DMD: variants seen among roughly 807,000 people sequenced by gnomAD.
DMD encodes dystrophin.
A neutral mutation model predicts 330.1 loss-of-function variants in DMD; 63 were observed. The observed-to-expected ratio is 0.19, with a 90% confidence interval of 0.16 to 0.24. The LOEUF is 0.24. Ranked by LOEUF, DMD falls within the 10% of genes least tolerant of loss-of-function variation. DMD has a pLI of 1.00. For synonymous variants in DMD, 1,223 were observed against 959.8 expected (o/e 1.27, Z -5.07); for missense variants, 3,344 against 2,684.1 (o/e 1.25, Z -5.43).
intron 7 of DMD, among the ~76,000 whole-genome samples, chrX:32,808,638 T>A (rs1460732086): frequency 8.9e-6 from 1 of 111,828 alleles, no homozygotes; most frequent in Admixed American, 9.6e-5. Context: ...TGTTTTGGAA[T>A]TGATGAAATC....
At chrX:32,142,516 C>T (rs2096758557) in intron 44 of DMD, among the ~76,000 whole-genome samples, 1 of 112,449 alleles carries the variant, frequency 8.9e-6, no homozygotes, top group African/African-American at 3.2e-5. Context: ...CACTGAATAT[C>T]ATCCCTTCTT....
chrX:32,549,283 TTAAAG>T (rs2049284269), intron 16 of DMD, among the ~76,000 whole-genome samples: 1 of 111,328 alleles, frequency 9.0e-6, no homozygotes, highest in South Asian at 3.7e-4. Context: ...TTCTTCATCT[TTAAAG>T]TAAGAGTAAC....
chrX:31,205,936 A>G (rs146077960), intron 66 of DMD, among the ~76,000 whole-genome samples: 7,749 of 112,500 alleles, frequency 0.069, 622 homozygotes, highest in African/African-American at 0.23. Context: ...GCCTTTCACA[A>G]TATGAATGGA....
chrX:31,875,217 G>T lies in DMD; in HGVS notation c.7069C>A (p.Pro2357Thr), dbSNP rs2149679820. 1 of 1,200,656 alleles carries T rather than the reference G, an allele frequency of 8.3e-7. No homozygotes were observed. The change falls in exon 48 of 79, where the codon CCA (proline) becomes ACA (threonine). Residue 2357 changes from proline to threonine, a missense_variant. Physicochemically the swap from Pro to Thr is conservative, Grantham distance 38. Transcript: ENST00000357033. Reference protein sequence around the residue: ...IRNQLEIYNQPNQEGPFDVKE... With the variant: ...IRNQLEIYNQTNQEGPFDVKE... ...ACGTCAAATGGTCCTTCTTGGTTTG[G>T]TTGGTTATAAATTTCCAACTGATTC...
intron 2 of DMD, among the ~76,000 whole-genome samples, chrX:32,930,464 G>A (rs1159097184): frequency 9.0e-6 from 1 of 110,643 alleles, no homozygotes; most frequent in Non-Finnish European, 1.9e-5. Context: ...ATTAAAAGAA[G>A]CTTTTGTTAT....
intron 7 of DMD, among the ~76,000 whole-genome samples, chrX:32,808,818 A>G (rs961495826): frequency 8.9e-6 from 1 of 112,185 alleles, no homozygotes; most frequent in African/African-American, 3.2e-5. Context: ...TGGCATGGCA[A>G]AAAGTGTACT....
intron 1 of DMD, among the ~76,000 whole-genome samples, chrX:33,299,244 T>C (rs1160344624): frequency 1.8e-5 from 2 of 110,656 alleles, no homozygotes; most frequent in Admixed American, 1.9e-4. Context: ...ATAATCAGAG[T>C]TAGAGAGATA....
At position 32,175,308 on chromosome X, in the gene DMD, G is replaced by A. The variant is rs1179694502; in HGVS notation, c.6438+41608C>T. 1.4e-4 allele frequency among the ~76,000 whole-genome samples: 15 copies of A among 110,064 alleles called. No individual in the cohort carries two copies. In the Admixed American group the frequency reaches 1.4e-3, roughly 10 times the overall value. On this transcript the variant is annotated intron_variant, in intron 44 of 78. Coordinates refer to ENST00000357033, the MANE Select transcript of DMD (RefSeq NM_004006.3). ...TGTAAAACGCACCAATCAGCGCTCT[G>A]TAAAATGCACCAATCAGTAGGATTC...
chrX:31,694,811 A>G (rs1314848492), intron 52 of DMD, among the ~76,000 whole-genome samples: 1 of 108,761 alleles, frequency 9.2e-6, no homozygotes, highest in Non-Finnish European at 1.9e-5. Context: ...AACCTTATCC[A>G]CTATTGGTAG....
At chrX:32,367,211 G>A (rs2097857558) in intron 34 of DMD, among the ~76,000 whole-genome samples, 1 of 111,513 alleles carries the variant, frequency 9.0e-6, no homozygotes, top group South Asian at 3.7e-4. Flanking sequence ...TCAACCTTTT[G>A]TAGTATACAA....
At chrX:32,634,621 A>T (rs1380234310) in intron 11 of DMD, among the ~76,000 whole-genome samples, 1 of 111,942 alleles carries the variant, frequency 8.9e-6, no homozygotes, top group Non-Finnish European at 1.9e-5. Context: ...GGGTGTGTTC[A>T]GAAATGTTAT....
intron 3 of DMD, among the ~76,000 whole-genome samples, chrX:32,848,197 C>T (rs2035146785): frequency 9.0e-6 from 1 of 111,666 alleles, no homozygotes; most frequent in Admixed American, 9.5e-5. Context: ...ATGAGTAAGC[C>T]ATAATCTTTG....
intron 51 of DMD, among the ~76,000 whole-genome samples, chrX:31,752,982 G>A (rs1328828098): frequency 8.9e-6 from 1 of 112,259 alleles, no homozygotes; most frequent in East Asian, 2.8e-4. Flanking sequence ...AGGAGGTGGT[G>A]CAGAGGGAGA....
chrX:33,200,925 C>T (rs867157853), intron 1 of DMD, among the ~76,000 whole-genome samples: 31 of 52,790 alleles, frequency 5.9e-4, no homozygotes, highest in South Asian at 2.0e-3. Flanking sequence ...AATCAATAGA[C>T]TTTTTTTTTT....
intron 55 of DMD, among the ~76,000 whole-genome samples, chrX:31,522,367 A>C (rs377409194): frequency 0.059 from 3,471 of 58,698 alleles, 120 homozygotes; most frequent in Middle Eastern, 0.074. Context: ...CTCTCTCTAT[A>C]TATATATATA....
At chrX:31,454,499 T>G (rs2066012124) in intron 59 of DMD, among the ~76,000 whole-genome samples, 1 of 111,917 alleles carries the variant, frequency 8.9e-6, no homozygotes, top group Non-Finnish European at 1.9e-5. Flanking sequence ...GCCACATGTG[T>G]TAACCACCAT....
chrX:32,190,550 TTATATA>T (rs753482446), intron 44 of DMD, among the ~76,000 whole-genome samples: 633 of 62,503 alleles, frequency 0.01, 2 homozygotes, highest in Middle Eastern at 0.039. Flanking sequence ...ATTTAAAATT[TTATATA>T]TATATATATA....
At chrX:31,221,463 TAG>T (rs941201574) in intron 64 of DMD, among the ~76,000 whole-genome samples, 1 of 112,329 alleles carries the variant, frequency 8.9e-6, no homozygotes, top group Non-Finnish European at 1.9e-5. Flanking sequence ...ACGCTCTTCC[TAG>T]AGAGAGAGCT....
At chrX:32,709,682 T>G (rs1460011268) in intron 7 of DMD, among the ~76,000 whole-genome samples, 2 of 111,768 alleles carry the variant, frequency 1.8e-5, no homozygotes, top group Admixed American at 1.9e-4. Flanking sequence ...TTTTGATTCA[T>G]TCTCACCCAT....
Sources: gnomAD v4.1 joint callset for allele counts (sites outside exome capture counted in the v4.1 genomes callset) on GRCh38, gnomAD v4.1.1 for gene constraint, MANE v1.5 for transcripts, NCBI Gene and HGNC (gene_info 2026-07-23, HGNC 2026-07-21) for gene names.